UBAP1: variants seen among roughly 807,000 people sequenced by gnomAD.
UBAP1 encodes the protein ubiquitin associated protein 1.
Under a neutral mutation model 39.0 loss-of-function variants are expected in UBAP1, and 5 were observed. The ratio of observed to expected loss-of-function variants is 0.13; its 90% CI spans 0.07 to 0.27. The LOEUF (loss-of-function observed/expected upper bound fraction) is 0.27, where lower values mean the gene tolerates loss of function less well. Among genes scored for constraint, UBAP1 ranks in the 10% least tolerant of loss-of-function variants. The pLI, the probability that UBAP1 is intolerant of heterozygous loss-of-function variation, is 1.00. For synonymous variants in UBAP1, 211 were observed against 225.1 expected, an observed-to-expected ratio of 0.94 and a Z score of 0.56; for missense variants, 490 against 608.1, an observed-to-expected ratio of 0.81 and a Z score of 2.04.
Position 34,200,828 on chromosome 9 carries a change from A to G in UBAP1, c.-7-20080A>G, listed in dbSNP as rs181261223. ...TTTCCTTCCTTTTATAAACCACATG[A>G]TATATATTCCTAAATAATATATTGT... On this transcript the variant is annotated intron_variant, in intron 1 of 6. Transcript: ENST00000297661. Among the ~76,000 whole-genome samples, 306 of 152,302 alleles carry G rather than the reference A, an allele frequency of 2.0e-3. 1 individual carries two copies. The highest frequency in any genetic ancestry group is 0.014 in the Middle Eastern group (4 of 294).
In UBAP1 at chr9:34,232,397, C is replaced by T. The variant is rs193264106; in HGVS notation, c.35-1819C>T. ...GAAATTAGCACATCTAAAAGGATGA[C>T]CACACTTGGAAAATTCCTAGGGTGT... On this transcript the variant is annotated intron_variant, in intron 2 of 6. Coordinates refer to ENST00000297661, the MANE Select transcript of UBAP1 (RefSeq NM_016525.5). Among the ~76,000 whole-genome samples, 604 of 152,262 alleles carry T rather than the reference C, an allele frequency of 4.0e-3. 7 individuals are homozygous for T. Among genetic ancestry groups the T allele is most frequent in the Admixed American group, 0.025 (377 of 15,292 alleles).
chr9:34,242,134 C>T, intron 4 of UBAP1, 26 bp downstream of exon 4: 1 of 1,545,140 alleles, frequency 6.5e-7, no homozygotes, highest in Non-Finnish European at 8.8e-7. Context: ...CCCCCGCCGA[C>T]TCCCATATTT....
intron 2 of UBAP1, among the ~76,000 whole-genome samples, chr9:34,227,832 C>G (rs769604407): frequency 9.9e-5 from 15 of 152,136 alleles, no homozygotes; most frequent in Non-Finnish European, 2.2e-4. Context: ...AAATTGTTAG[C>G]TATAATATTT....
chr9:34,246,695 TTTATGGAAAG>T (rs1487401619), intron 4 of UBAP1, among the ~76,000 whole-genome samples: 1 of 151,910 alleles, frequency 6.6e-6, no homozygotes, highest in Non-Finnish European at 1.5e-5. Flanking sequence ...TAAAAGGAGG[TTTATGGAAAG>T]ACTTGGTAGA....
At chr9:34,189,280 C>A (rs192629204) in intron 1 of UBAP1, among the ~76,000 whole-genome samples, 2 of 151,720 alleles carry the variant, frequency 1.3e-5, no homozygotes, top group Admixed American at 6.6e-5. Context: ...CCTCCTCCTC[C>A]AGGGTTCAAG....
rs371902222 is a variant in UBAP1 at position 34,251,558 on chromosome 9, G to A, written c.*26G>A. 32 of 1,608,792 alleles carry A rather than the reference G, an allele frequency of 2.0e-5. No individual in the cohort carries two copies. The highest frequency in any genetic ancestry group is 6.6e-5 in the South Asian group (6 of 90,732). ...GACCAGGCCCTGCCTAGGCCCTGCC[G>A]CAGAACCACCATCCCTGGGAGGCCC... On this transcript the variant is annotated 3_prime_UTR_variant, in exon 7 of 7. Transcript: ENST00000297661.
intron 1 of UBAP1, chr9:34,201,511 T>A (rs1488131501): frequency 6.6e-6 from 1 of 152,196 alleles, no homozygotes; most frequent in Non-Finnish European, 1.5e-5. Flanking sequence ...GCCACTGCAG[T>A]CCAGCCTGGG....
intron 1 of UBAP1, among the ~76,000 whole-genome samples, chr9:34,217,922 T>C (rs1337230081): frequency 6.7e-6 from 1 of 149,228 alleles, no homozygotes; most frequent in African/African-American, 2.5e-5. Flanking sequence ...TGGATTTCAT[T>C]CATTTTTTTA....
intron 2 of UBAP1, among the ~76,000 whole-genome samples, chr9:34,221,359 C>G (rs1377767292): frequency 1.3e-5 from 2 of 151,950 alleles, no homozygotes; most frequent in African/African-American, 4.8e-5. Context: ...GAAACCCCGT[C>G]TCTACTAAAA....
At chr9:34,218,132 G>C (rs1372808548) in intron 1 of UBAP1, among the ~76,000 whole-genome samples, 58 of 150,188 alleles carry the variant, frequency 3.9e-4, no homozygotes, top group Non-Finnish European at 1.5e-5. Context: ...GGGGCCTGTA[G>C]TCCCAGCTAC....
At chr9:34,210,844 T>C (rs1356924864) in intron 1 of UBAP1, among the ~76,000 whole-genome samples, 1 of 152,158 alleles carries the variant, frequency 6.6e-6, no homozygotes, top group East Asian at 1.9e-4. Flanking sequence ...TTTTTTTTCT[T>C]TAAACACATC....
chr9:34,190,244 TCGTGTCCTATC>T (rs577831654), intron 1 of UBAP1, among the ~76,000 whole-genome samples: 121 of 152,332 alleles, frequency 7.9e-4, no homozygotes, highest in Non-Finnish European at 1.3e-3. Context: ...ATTGTTTATG[TCGTGTCCTATC>T]CGTTTTCTTG....
chr9:34,225,372 GAAAC>G (rs1832987671), intron 2 of UBAP1, among the ~76,000 whole-genome samples: 1 of 152,048 alleles, frequency 6.6e-6, no homozygotes, highest in South Asian at 2.1e-4. Context: ...CAGAATAAGG[GAAAC>G]AAACAGTTAT....
chr9:34,239,690 T>TA (rs1285249617), intron 3 of UBAP1, among the ~76,000 whole-genome samples: 1 of 152,222 alleles, frequency 6.6e-6, no homozygotes, highest in Non-Finnish European at 1.5e-5. Context: ...ACAGATTTTT[T>TA]AACTTCTGCA....
chr9:34,212,053 A>G (rs1337713786), intron 1 of UBAP1: 1 of 419,520 alleles, frequency 2.4e-6, no homozygotes, highest in Non-Finnish European at 4.8e-6. Context: ...AAGAAAAAGA[A>G]TATGTTTTAT....
At chr9:34,215,655 A>G (rs1171046930) in intron 1 of UBAP1, among the ~76,000 whole-genome samples, 2 of 151,912 alleles carry the variant, frequency 1.3e-5, no homozygotes, top group Non-Finnish European at 2.9e-5. Context: ...ACTGAATACC[A>G]CCTGTACCCC....
rs1368640438 is a variant in UBAP1, at chr9:34,241,781, G to A, written c.756G>A (p.Val252=). 6.2e-7 allele frequency: 1 copy of A among 1,613,874 alleles called. No individual in the cohort carries two copies. The highest frequency in any genetic ancestry group is 1.3e-5 in the African/African-American group (1 of 74,862). ...AAAAGATGTCACTGTCTTCCAAAGT[G>A]TCCCTCCCCCCTATACCTGCAGTAA... is the stretch of plus-strand genomic sequence containing the variant. ...NCEKMSLSSK[V]SLPPIPAVSN... Residue 252 remains valine (V), a synonymous_variant, in exon 4 of 7, where the codon GTG becomes GTA. Coordinates refer to ENST00000297661, the MANE Select transcript of UBAP1 (RefSeq NM_016525.5).
intron 1 of UBAP1, among the ~76,000 whole-genome samples, chr9:34,182,681 T>TTCTCTCTCTCTC (rs1437312393): frequency 0.011 from 1,287 of 115,504 alleles, 53 homozygotes; most frequent in East Asian, 0.055. Context: ...CTTTCTTTCT[T>TTCTCTCTCTCTC]TCTCTCTCTC....
intron 1 of UBAP1, among the ~76,000 whole-genome samples, chr9:34,219,792 A>G (rs1307852374): frequency 1.3e-4 from 3 of 23,792 alleles, no homozygotes; most frequent in African/African-American, 5.4e-4. Context: ...CCCCTTTCCC[A>G]TCTCCACTTT....
Sources: allele counts gnomAD v4.1 joint callset (sites outside exome capture counted in the v4.1 genomes callset), GRCh38; gene constraint gnomAD v4.1.1; transcripts MANE v1.5; gene names NCBI Gene and HGNC (gene_info 2026-07-23, HGNC 2026-07-21).